Variants in KCNU1 observed in about 807,000 individuals in gnomAD.
The protein encoded by KCNU1 is potassium calcium-activated channel subfamily U member 1, also known as potassium channel subfamily U member 1.
A neutral mutation model predicts 126.8 loss-of-function variants in KCNU1; 93 were observed. That is an observed-to-expected ratio of 0.73 (90% CI 0.62 to 0.87). The LOEUF is 0.87. Among genes scored for constraint, KCNU1 ranks in the 40% least tolerant of loss-of-function variants. The pLI is 0.00. For missense variants in KCNU1, 1,330 were observed against 1,367.1 expected, an observed-to-expected ratio of 0.97 and a Z score of 0.43; for synonymous variants, 523 against 494.2, an observed-to-expected ratio of 1.06 and a Z score of -0.77.
chr8:36,791,229 GA>G (rs1051242192), intron 2 of KCNU1, among the ~76,000 whole-genome samples: 1 of 152,156 alleles, frequency 6.6e-6, no homozygotes, highest in African/African-American at 2.4e-5. Context: ...ACTACCTGCG[GA>G]AAAAAATTTT....
At chr8:36,928,046 G>T (rs75372708) in intron 24 of KCNU1, among the ~76,000 whole-genome samples, 1 of 151,656 alleles carries the variant, frequency 6.6e-6, no homozygotes, top group Admixed American at 6.6e-5. Context: ...GAGGGAAAGG[G>T]AAGGGAAGAT....
At chr8:36,883,605 G>A (rs1233608785) in intron 19 of KCNU1, among the ~76,000 whole-genome samples, 1 of 152,004 alleles carries the variant, frequency 6.6e-6, no homozygotes, top group African/African-American at 2.4e-5. Context: ...GCAACATGGT[G>A]AAACCCTGTC....
chr8:36,874,727 C>T (rs1464436721), intron 19 of KCNU1, among the ~76,000 whole-genome samples: 1 of 152,178 alleles, frequency 6.6e-6, no homozygotes, highest in Non-Finnish European at 1.5e-5. Context: ...ATATTATTGG[C>T]TTTCGTACAA....
chr8:36,862,189 A>G (rs923808869), intron 18 of KCNU1, among the ~76,000 whole-genome samples: 4 of 151,822 alleles, frequency 2.6e-5, no homozygotes, highest in Admixed American at 6.6e-5. Flanking sequence ...AGGTAGGTAG[A>G]TAGATAGATA....
chr8:36,818,088 T>C (rs1245642059), intron 10 of KCNU1, among the ~76,000 whole-genome samples: 1 of 152,188 alleles, frequency 6.6e-6, no homozygotes, highest in Admixed American at 6.5e-5. Flanking sequence ...CTGTTAATTC[T>C]CAGAATTAGA....
intron 2 of KCNU1, among the ~76,000 whole-genome samples, chr8:36,802,104 G>A (rs925551779): frequency 1.0e-5 from 1 of 97,000 alleles, no homozygotes; most frequent in African/African-American, 4.6e-5. Context: ...GCGAAACTCC[G>A]TCTCAAAAAA....
At chr8:36,840,806 A>T (rs1443111223) in intron 15 of KCNU1, 126 bp from the exon 16 acceptor site, 1 of 740,048 alleles carries the variant, frequency 1.4e-6, no homozygotes, top group East Asian at 2.6e-5. Flanking sequence ...ACAAGGGATC[A>T]TTCCACATTG....
chr8:36,864,680 A>G lies in KCNU1; in HGVS notation c.2009+159A>G, dbSNP rs567325677. Among the ~76,000 whole-genome samples the G allele has an allele frequency of 1.4e-4, 21 of 152,274 alleles. No homozygotes were observed. In the South Asian group the frequency reaches 4.4e-3, roughly 32 times the overall value. On this transcript the variant is annotated intron_variant, in intron 19 of 26. Coordinates refer to ENST00000399881, the MANE Select transcript of KCNU1 (RefSeq NM_001031836.3). ...AGATCATCTCCACCTTGCCCATATC[A>G]TTAAGCTAATCAAATACACCTCTTT...
intron 23 of KCNU1, among the ~76,000 whole-genome samples, chr8:36,920,553 T>TAA (rs1443490152): frequency 6.8e-6 from 1 of 147,840 alleles, no homozygotes; most frequent in African/African-American, 2.5e-5. Flanking sequence ...AGGTTCTTGT[T>TAA]GTCTGGCTGG....
chr8:36,825,761 T>C (rs1162511479), intron 10 of KCNU1, among the ~76,000 whole-genome samples: 2 of 152,146 alleles, frequency 1.3e-5, no homozygotes, highest in African/African-American at 4.8e-5. Context: ...TTTGTTTTTT[T>C]AAGTGTAAAG....
At chr8:36,797,100 G>A (rs1028539731) in intron 2 of KCNU1, among the ~76,000 whole-genome samples, 11 of 152,132 alleles carry the variant, frequency 7.2e-5, no homozygotes, top group Admixed American at 2.6e-4. Context: ...AGGAGATTTC[G>A]GTTCAAACAC....
chr8:36,911,393 G>A (rs1382221055), intron 22 of KCNU1, among the ~76,000 whole-genome samples: 1 of 152,088 alleles, frequency 6.6e-6, no homozygotes, highest in African/African-American at 2.4e-5. Context: ...TAATTTTGAA[G>A]TGTTATCATT....
At chr8:36,869,208 G>A (rs879328181) in intron 19 of KCNU1, among the ~76,000 whole-genome samples, 8 of 152,112 alleles carry the variant, frequency 5.3e-5, no homozygotes, top group Non-Finnish European at 7.4e-5. Context: ...AGTAGTGAAA[G>A]ATATTTAATC....
At chr8:36,935,451 C>A in intron 26 of KCNU1, 64 bp from the exon 27 acceptor site, 2 of 1,321,604 alleles carry the variant, frequency 1.5e-6, no homozygotes, top group South Asian at 2.9e-5. Context: ...TTATTTGGGT[C>A]ACTGCCTGTT....
At chr8:36,878,153 A>G (rs1020917256) in intron 19 of KCNU1, among the ~76,000 whole-genome samples, 1 of 152,226 alleles carries the variant, frequency 6.6e-6, no homozygotes, top group African/African-American at 2.4e-5. Flanking sequence ...TATTTTAAAA[A>G]GCTGATTTAG....
chr8:36,895,116 A>G (rs1484066271), intron 19 of KCNU1, among the ~76,000 whole-genome samples: 2 of 151,390 alleles, frequency 1.3e-5, no homozygotes, highest in East Asian at 3.9e-4. Flanking sequence ...ACAGAATCTC[A>G]CTCTGTCACC....
chr8:36,928,883 C>G (rs905736927), intron 24 of KCNU1: 4 of 605,538 alleles, frequency 6.6e-6, no homozygotes, highest in African/African-American at 1.9e-5. Context: ...GATTCCCATT[C>G]CTGTCCATAT....
At chr8:36,837,615 T>A (rs1339276713) in intron 14 of KCNU1, among the ~76,000 whole-genome samples, 1 of 152,236 alleles carries the variant, frequency 6.6e-6, no homozygotes, top group Non-Finnish European at 1.5e-5. Flanking sequence ...GCTGTATGCC[T>A]CTGGTGTTAT....
intron 7 of KCNU1, 50 bp downstream of exon 7, chr8:36,808,843 A>G: frequency 7.2e-7 from 1 of 1,393,658 alleles, no homozygotes; most frequent in Non-Finnish European, 1.0e-6. Flanking sequence ...ACCAGCATCC[A>G]TTTTTTGAAA....
Sources: allele counts gnomAD v4.1 joint callset (sites outside exome capture counted in the v4.1 genomes callset), GRCh38; gene constraint gnomAD v4.1.1; transcripts MANE v1.5; gene names NCBI Gene and HGNC (gene_info 2026-07-23, HGNC 2026-07-21).